The following B3GALT1 variants were observed in gnomAD, a reference collection of about 807,000 sequenced individuals.
The protein encoded by B3GALT1 is UDP-Gal:betaGlcNAc beta 1,3-galactosyltransferase, polypeptide 1.
B3GALT1 carries 10 observed loss-of-function variants against 23.2 expected under a neutral mutation model. That is an observed-to-expected ratio of 0.43 (90% confidence interval 0.27 to 0.73). B3GALT1 has a LOEUF of 0.73. B3GALT1 is among the 30% of genes least tolerant of loss of function. The pLI is 0.21. For synonymous variants in B3GALT1, 156 were observed against 141.5 expected, an observed-to-expected ratio of 1.10 and a Z score of -0.73; for missense variants, 299 against 405.4, an observed-to-expected ratio of 0.74 and a Z score of 2.25.
At chr2:167,652,150 C>T (rs1685880580) in intron 3 of B3GALT1, among the ~76,000 whole-genome samples, 1 of 152,144 alleles carries the variant, frequency 6.6e-6, no homozygotes, top group Non-Finnish European at 1.5e-5. Context: ...CTGTACCCAG[C>T]ACAATCTCAA....
chr2:167,453,481 A>G (rs1699119822), intron 1 of B3GALT1, among the ~76,000 whole-genome samples: 3 of 152,258 alleles, frequency 2.0e-5, no homozygotes, highest in African/African-American at 4.8e-5. Flanking sequence ...ACTAATTATC[A>G]CAAGGTTAAT....
intron 2 of B3GALT1, among the ~76,000 whole-genome samples, chr2:167,499,306 T>C (rs967403029): frequency 3.9e-5 from 6 of 152,164 alleles, no homozygotes; most frequent in African/African-American, 1.4e-4. Flanking sequence ...TATTCTGTGA[T>C]AAAAATCACC....
chr2:167,476,212 G>GTCAA (rs1559108610), intron 1 of B3GALT1, among the ~76,000 whole-genome samples: 1 of 152,148 alleles, frequency 6.6e-6, no homozygotes, highest in African/African-American at 2.4e-5. Context: ...AAAGAACACT[G>GTCAA]TCAACATTCA....
chr2:167,488,826 CTA>C (rs1699661684), intron 1 of B3GALT1, among the ~76,000 whole-genome samples: 1 of 152,050 alleles, frequency 6.6e-6, no homozygotes, highest in African/African-American at 2.4e-5. Context: ...ATAAATGTAA[CTA>C]TATAGTATGC....
intron 4 of B3GALT1, among the ~76,000 whole-genome samples, chr2:167,855,984 T>C (rs570290199): frequency 6.6e-6 from 1 of 152,252 alleles, no homozygotes; most frequent in African/African-American, 2.4e-5. Flanking sequence ...CAGAATTTCA[T>C]GGAAAGTCAT....
intron 1 of B3GALT1, among the ~76,000 whole-genome samples, chr2:167,342,404 A>T (rs1697161954): frequency 6.6e-6 from 1 of 152,038 alleles, no homozygotes; most frequent in Non-Finnish European, 1.5e-5. Context: ...CCTGACCAAC[A>T]TGGTGAAACC....
chr2:167,559,706 T>C (rs1028474292), intron 2 of B3GALT1, among the ~76,000 whole-genome samples: 1 of 152,020 alleles, frequency 6.6e-6, no homozygotes, highest in South Asian at 2.1e-4. Flanking sequence ...AGGGTATCAG[T>C]GATGGAAGAC....
intron 1 of B3GALT1, among the ~76,000 whole-genome samples, chr2:167,306,991 A>G (rs905993678): frequency 1.3e-5 from 2 of 152,030 alleles, no homozygotes; most frequent in Admixed American, 1.3e-4. Context: ...TATTTTGTAA[A>G]AGTTTACCCA....
chr2:167,513,902 A>ATATT (rs1479519479), intron 2 of B3GALT1, among the ~76,000 whole-genome samples: 1 of 151,654 alleles, frequency 6.6e-6, no homozygotes, highest in Non-Finnish European at 1.5e-5. Flanking sequence ...ATTTGTATGT[A>ATATT]TATTTATTTA....
At chr2:167,784,117 C>T (rs183507941) in intron 3 of B3GALT1, among the ~76,000 whole-genome samples, 1 of 152,268 alleles carries the variant, frequency 6.6e-6, no homozygotes. Flanking sequence ...CTGACTCTGT[C>T]CCCTGCCCTT....
chr2:167,447,681 C>A (rs764730689), intron 1 of B3GALT1, among the ~76,000 whole-genome samples: 3 of 152,174 alleles, frequency 2.0e-5, no homozygotes, highest in Non-Finnish European at 2.9e-5. Flanking sequence ...ATATAATCTC[C>A]TGGTGTGCCG....
intron 2 of B3GALT1, among the ~76,000 whole-genome samples, chr2:167,562,217 C>G (rs1276823126): frequency 6.6e-6 from 1 of 152,214 alleles, no homozygotes; most frequent in Non-Finnish European, 1.5e-5. Flanking sequence ...ACATGATTAT[C>G]TCAATAGATG....
At chr2:167,589,910 G>T (rs1684645464) in intron 2 of B3GALT1, among the ~76,000 whole-genome samples, 1 of 151,938 alleles carries the variant, frequency 6.6e-6, no homozygotes, top group African/African-American at 2.4e-5. Flanking sequence ...GACTCTAGAG[G>T]GCTTTCAGGT....
rs551681470 is a variant in B3GALT1, at chr2:167,868,213, G to A, written c.-229-598G>A. On this transcript the variant is annotated intron_variant, in intron 4 of 4. Coordinates refer to ENST00000392690, the MANE Select transcript of B3GALT1 (RefSeq NM_020981.4). ...TAGAAAATTAGAATTAGAGCTAAGA[G>A]TTGTGGAAGCCAAAGTAAGGAGAAA... is the stretch of plus-strand genomic sequence containing the variant. Among the ~76,000 whole-genome samples, 3 of 152,328 alleles carry A rather than the reference G, an allele frequency of 2.0e-5. No homozygotes were observed. The South Asian group carries it at 6.2e-4, about 32-fold the overall frequency.
At chr2:167,564,284 TC>T (rs948168206) in intron 2 of B3GALT1, among the ~76,000 whole-genome samples, 3 of 141,454 alleles carry the variant, frequency 2.1e-5, no homozygotes, top group Non-Finnish European at 4.6e-5. Context: ...GCAGAGACGC[TC>T]CCCCCCTCCC....
At chr2:167,805,351 T>G (rs1373135304) in intron 3 of B3GALT1, among the ~76,000 whole-genome samples, 1 of 152,192 alleles carries the variant, frequency 6.6e-6, no homozygotes, top group Non-Finnish European at 1.5e-5. Flanking sequence ...ATTTGTCAAT[T>G]TTGGCTTTTG....
intron 1 of B3GALT1, among the ~76,000 whole-genome samples, chr2:167,438,892 G>C (rs1261379858): frequency 6.6e-6 from 1 of 152,174 alleles, no homozygotes; most frequent in Non-Finnish European, 1.5e-5. Flanking sequence ...TCAGAAGAGA[G>C]GAAGTGACTA....
intron 3 of B3GALT1, among the ~76,000 whole-genome samples, chr2:167,690,450 G>T (rs1208074776): frequency 6.6e-6 from 1 of 151,958 alleles, no homozygotes; most frequent in African/African-American, 2.4e-5. Context: ...TTTCAAAAGT[G>T]AAATCCTTAA....
intron 4 of B3GALT1, among the ~76,000 whole-genome samples, chr2:167,848,732 A>T (rs1689812418): frequency 6.6e-6 from 1 of 152,208 alleles, no homozygotes; most frequent in Non-Finnish European, 1.5e-5. Context: ...TGGTACTGGA[A>T]GTCCTAGCCA....
Sources: gnomAD v4.1 joint callset for allele counts (sites outside exome capture counted in the v4.1 genomes callset) on GRCh38, gnomAD v4.1.1 for gene constraint, MANE v1.5 for transcripts, NCBI Gene and HGNC (gene_info 2026-07-23, HGNC 2026-07-21) for gene names.